The following ADGRL3 variants were observed in gnomAD, a reference collection of about 807,000 sequenced individuals.
ADGRL3 encodes adhesion G protein-coupled receptor L3, also known as calcium-independent alpha-latrotoxin receptor 3.
Under a neutral mutation model 153.5 loss-of-function variants are expected in ADGRL3, and 62 were observed. The ratio of observed to expected loss-of-function variants is 0.40; its 90% CI spans 0.33 to 0.50. The LOEUF (loss-of-function observed/expected upper bound fraction) is 0.50, where lower values mean the gene tolerates loss of function less well. ADGRL3 is among the 20% of genes least tolerant of loss of function. The pLI, the probability that ADGRL3 is intolerant of heterozygous loss-of-function variation, is 0.47. For missense variants in ADGRL3, 1,641 were observed against 1,859.4 expected (o/e 0.88, Z 2.16); for synonymous variants, 710 against 672.5 (o/e 1.06, Z -0.86).
chr4:61,947,618 A>G (rs1478530951), intron 16 of ADGRL3, among the ~76,000 whole-genome samples: 3 of 152,174 alleles, frequency 2.0e-5, no homozygotes, highest in Non-Finnish European at 4.4e-5. Flanking sequence ...TCACAATACT[A>G]TCTGTGTTTT....
chr4:61,409,302 AT>A (rs1427745124), intron 2 of ADGRL3, among the ~76,000 whole-genome samples: 1 of 141,452 alleles, frequency 7.1e-6, no homozygotes, highest in Non-Finnish European at 1.5e-5. Flanking sequence ...TTAGACATCC[AT>A]TATATATAAT....
chr4:61,845,805 A>G (rs2098110573), intron 9 of ADGRL3, among the ~76,000 whole-genome samples: 1 of 152,174 alleles, frequency 6.6e-6, no homozygotes, highest in Non-Finnish European at 1.5e-5. Context: ...GAGAAAAATC[A>G]GAAATTAATA....
chr4:61,541,323 G>A, intron 4 of ADGRL3, among the ~76,000 whole-genome samples: 1 of 150,490 alleles, frequency 6.6e-6, no homozygotes. Flanking sequence ...CAAGGGTGGA[G>A]CAGATGCTGT....
In ADGRL3 at chr4:62,068,319, CTT is replaced by C. The variant is rs1003005751; in HGVS notation, c.3832+137_3832+138del. On this transcript the variant is annotated intron_variant, in intron 26 of 26. Transcript: ENST00000683033. ...AAAAACTAAAAAGCCTATGAATCGA[CTT>C]ATATAAATATATGTTAATAGAGATT... The C allele has an allele frequency of 7.9e-6, 5 of 634,000 alleles. No individual in the cohort carries two copies. The Admixed American group carries it at 1.1e-4, about 14-fold the overall frequency. The allele number at this position is 634,000 out of a possible 1,614,324, so 39.3% of individuals were successfully genotyped here.
chr4:61,600,604 G>C (rs1404603984), intron 5 of ADGRL3, among the ~76,000 whole-genome samples: 1 of 152,222 alleles, frequency 6.6e-6, no homozygotes, highest in African/African-American at 2.4e-5. Flanking sequence ...TATAAACATA[G>C]AAAAATCTGT....
At chr4:61,686,348 TA>T (rs1432223087) in intron 6 of ADGRL3, among the ~76,000 whole-genome samples, 1 of 152,130 alleles carries the variant, frequency 6.6e-6, no homozygotes, top group Non-Finnish European at 1.5e-5. Flanking sequence ...AATTTCCAGA[TA>T]AAACTGTTCT....
intron 1 of ADGRL3, among the ~76,000 whole-genome samples, chr4:61,289,576 T>C (rs950406654): frequency 1.3e-5 from 2 of 152,030 alleles, no homozygotes; most frequent in African/African-American, 4.8e-5. Flanking sequence ...AGTTAAGATC[T>C]AAGGTAATTG....
Position 61,865,561 on chromosome 4 carries a change from C to T in ADGRL3, c.1481-27095C>T, listed in dbSNP as rs1336396053. On this transcript the variant is annotated intron_variant, in intron 9 of 26. Coordinates refer to ENST00000683033, the MANE Select transcript of ADGRL3 (RefSeq NM_001387552.1). Reference sequence around the variant, plus strand: ...TTGCACCACAAACATTACTTTTAGTCCTAAAATAATCCAGTTATTGAAATT... The same window carrying T: ...TTGCACCACAAACATTACTTTTAGTTCTAAAATAATCCAGTTATTGAAATT... Among the ~76,000 whole-genome samples the T allele has an allele frequency of 2.0e-5, 3 of 152,130 alleles. No homozygotes were observed. The East Asian group carries it at 5.8e-4, about 29-fold the overall frequency.
At chr4:61,651,760 A>G (rs1003845928) in intron 5 of ADGRL3, among the ~76,000 whole-genome samples, 1 of 147,704 alleles carries the variant, frequency 6.8e-6, no homozygotes, top group East Asian at 2.0e-4. Context: ...GGCTCATGCC[A>G]CCAGGCCCAG....
Position 61,241,948 on chromosome 4 carries a change from G to T in ADGRL3, c.-240+40183G>T, listed in dbSNP as rs568813731. Among the ~76,000 whole-genome samples, 4 of 151,958 alleles carry T rather than the reference G, an allele frequency of 2.6e-5. No individual in the cohort carries two copies. The South Asian group carries it at 8.3e-4, about 32-fold the overall frequency. On this transcript the variant is annotated intron_variant, in intron 1 of 26. Coordinates refer to ENST00000683033, the MANE Select transcript of ADGRL3 (RefSeq NM_001387552.1). ...AACTCTTTTCTTTGCATTATTCTTA[G>T]AATACAAATCCAAATAATTAGTATG...
chr4:61,915,157 TAATG>T (rs1186017550), intron 13 of ADGRL3, among the ~76,000 whole-genome samples: 1 of 151,426 alleles, frequency 6.6e-6, no homozygotes, highest in East Asian at 1.9e-4. Context: ...TTTTATAAAA[TAATG>T]AATCTTTTTG....
At chr4:61,228,996 A>C (rs1749267091) in intron 1 of ADGRL3, among the ~76,000 whole-genome samples, 2 of 152,046 alleles carry the variant, frequency 1.3e-5, no homozygotes, top group South Asian at 4.1e-4. Flanking sequence ...CTGGCCTCTT[A>C]TTTATCTTTG....
chr4:61,743,279 C>A (rs1289516848), intron 8 of ADGRL3, among the ~76,000 whole-genome samples: 71 of 139,066 alleles, frequency 5.1e-4, no homozygotes, highest in African/African-American at 1.6e-3. Context: ...GAGATCAGAT[C>A]GTGCCACTGC....
At chr4:61,716,083 G>A (rs2096108657) in intron 6 of ADGRL3, among the ~76,000 whole-genome samples, 1 of 149,896 alleles carries the variant, frequency 6.7e-6, no homozygotes, top group Admixed American at 6.7e-5. Flanking sequence ...ATTTTTATTT[G>A]CTCAAATGGA....
chr4:62,010,183 T>A (rs568312262), intron 21 of ADGRL3, among the ~76,000 whole-genome samples: 1 of 152,258 alleles, frequency 6.6e-6, no homozygotes, highest in African/African-American at 2.4e-5. Flanking sequence ...CCCCCGTTTT[T>A]TCCCCAGTGA....
intron 13 of ADGRL3, among the ~76,000 whole-genome samples, chr4:61,918,948 T>G (rs2098756365): frequency 1.3e-5 from 2 of 152,228 alleles, no homozygotes; most frequent in Non-Finnish European, 2.9e-5. Context: ...AGAAGGATTC[T>G]AAGCTCCATT....
intron 23 of ADGRL3, among the ~76,000 whole-genome samples, chr4:62,034,849 T>G (rs949161294): frequency 6.6e-6 from 1 of 151,878 alleles, no homozygotes; most frequent in Non-Finnish European, 1.5e-5. Context: ...CATTCAAATA[T>G]TTGATATATT....
intron 5 of ADGRL3, among the ~76,000 whole-genome samples, chr4:61,603,177 C>G (rs2099018657): frequency 6.6e-6 from 1 of 152,120 alleles, no homozygotes; most frequent in Admixed American, 6.6e-5. Context: ...GTCACCCACA[C>G]AGTATTTACA....
chr4:61,354,927 GT>G (rs2151388198), intron 1 of ADGRL3, among the ~76,000 whole-genome samples: 1 of 152,070 alleles, frequency 6.6e-6, no homozygotes, highest in Admixed American at 6.5e-5. Context: ...TCAGTCTCTG[GT>G]TTCAACTTTC....
Sources: allele counts gnomAD v4.1 joint callset (sites outside exome capture counted in the v4.1 genomes callset), GRCh38; gene constraint gnomAD v4.1.1; transcripts MANE v1.5; gene names NCBI Gene and HGNC (gene_info 2026-07-23, HGNC 2026-07-21).